The following TAF4B variants were observed in gnomAD, a reference collection of about 807,000 sequenced individuals.
The protein encoded by TAF4B is transcription initiation factor TFIID subunit 4B.
A neutral mutation model predicts 86.4 loss-of-function variants in TAF4B; 38 were observed. The ratio of observed to expected loss-of-function variants is 0.44; its 90% CI spans 0.34 to 0.58. The LOEUF (loss-of-function observed/expected upper bound fraction) is 0.58, where lower values mean the gene tolerates loss of function less well. Ranked by LOEUF, TAF4B falls within the 20% of genes least tolerant of loss-of-function variation. TAF4B has a pLI of 0.02. For synonymous variants in TAF4B, 388 were observed against 391.2 expected (o/e 0.99, Z 0.10); for missense variants, 988 against 1,027.6 (o/e 0.96, Z 0.53).
chr18:26,371,270 A>C (rs1939565240), intron 14 of TAF4B, among the ~76,000 whole-genome samples: 1 of 152,250 alleles, frequency 6.6e-6, no homozygotes, highest in African/African-American at 2.4e-5. Context: ...TAACTCAGCT[A>C]TAATAAGTAA....
intron 9 of TAF4B, among the ~76,000 whole-genome samples, chr18:26,304,542 G>T (rs1166961132): frequency 1.3e-5 from 2 of 152,144 alleles, no homozygotes; most frequent in Non-Finnish European, 2.9e-5. Flanking sequence ...AACTGAGTTT[G>T]CTTTCTTCCA....
intron 3 of TAF4B, among the ~76,000 whole-genome samples, chr18:26,268,228 C>T (rs765581627): frequency 4.6e-5 from 7 of 152,176 alleles, no homozygotes; most frequent in Non-Finnish European, 1.0e-4. Flanking sequence ...GTACATATCA[C>T]TCCTTGTCAT....
At chr18:26,282,415 AT>A (rs1568126002) in intron 6 of TAF4B, among the ~76,000 whole-genome samples, 1 of 152,260 alleles carries the variant, frequency 6.6e-6, no homozygotes, top group Non-Finnish European at 1.5e-5. Flanking sequence ...TGGTTTCCAA[AT>A]GCATATAAAA....
rs548173772 is a variant in TAF4B at position 26,249,197 on chromosome 18, G to T, written c.344-15973G>T. ...AAAAAAAAAAAAAAAAGAGGAACCTGGCTGGGTGCGGTGGCTCATGCCTGT... is the reference window on the plus strand; with the variant it reads ...AAAAAAAAAAAAAAAAGAGGAACCTTGCTGGGTGCGGTGGCTCATGCCTGT... On this transcript the variant is annotated intron_variant, in intron 1 of 14. Coordinates refer to ENST00000269142, the MANE Select transcript of TAF4B (RefSeq NM_005640.3). Among the ~76,000 whole-genome samples, 10 of 151,382 alleles carry T rather than the reference G, an allele frequency of 6.6e-5. No individual in the cohort carries two copies. The East Asian group carries it at 1.9e-3, about 29-fold the overall frequency.
chr18:26,291,722 A>G (rs2056596494), intron 7 of TAF4B, among the ~76,000 whole-genome samples: 1 of 150,892 alleles, frequency 6.6e-6, no homozygotes. Context: ...AAAAAAAAAA[A>G]GAAAATACTT....
At chr18:26,318,033 A>T (rs929298597) in intron 10 of TAF4B, among the ~76,000 whole-genome samples, 2 of 152,066 alleles carry the variant, frequency 1.3e-5, no homozygotes, top group Non-Finnish European at 2.9e-5. Flanking sequence ...CTTCTTTTTT[A>T]AAAAAATATT....
At chr18:26,265,393 C>A in intron 2 of TAF4B, 78 bp downstream of exon 2, 5 of 1,410,886 alleles carry the variant, frequency 3.5e-6, no homozygotes, top group South Asian at 1.7e-5. Context: ...TATATGTTTG[C>A]TAGTAAAAAA....
intron 14 of TAF4B, among the ~76,000 whole-genome samples, chr18:26,389,475 C>G (rs1978576187): frequency 6.6e-6 from 1 of 152,158 alleles, no homozygotes; most frequent in African/African-American, 2.4e-5. Context: ...TTGAAATCAT[C>G]ACCACAATCA....
intron 10 of TAF4B, among the ~76,000 whole-genome samples, chr18:26,317,671 T>C (rs1458806827): frequency 6.6e-6 from 1 of 152,246 alleles, no homozygotes; most frequent in Non-Finnish European, 1.5e-5. Flanking sequence ...GAGATCAGGG[T>C]GCCAGCACGG....
rs971286087 is a variant in TAF4B, at chr18:26,390,273, A to G, written c.*261A>G. ...CATCTGCCTATCTGTGCATTAAATTAAAGCAAGTTAAGGCCCTATTTGTTA... is the reference window on the plus strand; with the variant it reads ...CATCTGCCTATCTGTGCATTAAATTGAAGCAAGTTAAGGCCCTATTTGTTA... On this transcript the variant is annotated 3_prime_UTR_variant, in exon 15 of 15. Transcript: ENST00000269142. 21 of 337,790 alleles carry G rather than the reference A, an allele frequency of 6.2e-5. No homozygotes were observed. The highest frequency in any genetic ancestry group is 4.5e-4 in the African/African-American group (21 of 46,990). 20.9% of individuals were successfully genotyped at this position (337,790 alleles called of 1,614,324 possible). A position where few individuals can be genotyped will look rare whatever the true frequency, so the allele number is the denominator to read the frequency against.
intron 14 of TAF4B, among the ~76,000 whole-genome samples, chr18:26,381,446 G>T (rs959770798): frequency 7.2e-5 from 11 of 151,856 alleles, no homozygotes; most frequent in Non-Finnish European, 1.3e-4. Flanking sequence ...AAGTAATTTG[G>T]CTGGGCGCGG....
chr18:26,227,243 A>G lies in TAF4B; in HGVS notation c.310A>G (p.Ile104Val), dbSNP rs2055592004. 7 of 1,613,024 alleles carry G rather than the reference A, an allele frequency of 4.3e-6. No homozygotes were observed. Among genetic ancestry groups the G allele is most frequent in the South Asian group, 1.1e-5 (1 of 90,940 alleles). ...CGTGAAAGCCCCCAACACCACGACA[A>G]TCCAGTTTCCTGCTAATTTGCAGCT... ...VAVKAPNTTT[I>V]QFPANLQLPP... Residue 104 changes from isoleucine to valine, a missense_variant, in exon 1 of 15, where the codon ATC (isoleucine) becomes GTC (valine). Physicochemically the swap from Ile to Val is conservative, Grantham distance 29. Transcript: ENST00000269142.
Position 26,247,588 on chromosome 18 carries a change from A to T in TAF4B, c.344-17582A>T, listed in dbSNP as rs563466920. ...ATTTAAAAAATCTTCTTTTAAAAAA[A>T]ATTGACACAGGGTTGGGCATGGTGA... On this transcript the variant is annotated intron_variant, in intron 1 of 14. Coordinates refer to ENST00000269142, the MANE Select transcript of TAF4B (RefSeq NM_005640.3). 3.9e-5 allele frequency among the ~76,000 whole-genome samples: 6 copies of T among 152,288 alleles called. No individual in the cohort carries two copies. In the South Asian group the frequency reaches 1.2e-3, roughly 32 times the overall value.
intron 12 of TAF4B, among the ~76,000 whole-genome samples, chr18:26,330,000 C>T (rs528811728): frequency 2.0e-5 from 3 of 152,190 alleles, no homozygotes; most frequent in African/African-American, 7.2e-5. Flanking sequence ...GATAGAGTCT[C>T]ACTATATTGC....
intron 13 of TAF4B, among the ~76,000 whole-genome samples, chr18:26,346,801 GTATATA>G (rs368950266): frequency 5.5e-5 from 1 of 18,238 alleles, no homozygotes; most frequent in African/African-American, 1.1e-4. Flanking sequence ...ATATATATGT[GTATATA>G]TATATATATG....
At chr18:26,352,067 A>C (rs1369634753) in intron 13 of TAF4B, among the ~76,000 whole-genome samples, 1 of 152,152 alleles carries the variant, frequency 6.6e-6, no homozygotes, top group African/African-American at 2.4e-5. Context: ...AGATAAATTA[A>C]AATGTTAAAA....
intron 9 of TAF4B, among the ~76,000 whole-genome samples, chr18:26,300,826 C>T (rs779982754): frequency 2.6e-5 from 4 of 151,762 alleles, no homozygotes; most frequent in Admixed American, 6.6e-5. Context: ...CCATCACTTA[C>T]GTAGAGTGGG....
chr18:26,316,759 A>C (rs1022564561), intron 10 of TAF4B, among the ~76,000 whole-genome samples: 16 of 152,170 alleles, frequency 1.1e-4, no homozygotes, highest in Non-Finnish European at 7.3e-5. Context: ...GCTGATTGTA[A>C]AATGTGTTTG....
chr18:26,359,732 T>C (rs566408768), intron 14 of TAF4B, among the ~76,000 whole-genome samples: 4 of 152,162 alleles, frequency 2.6e-5, no homozygotes, highest in Non-Finnish European at 5.9e-5. Flanking sequence ...TATTTGTTTG[T>C]TTATGTAGAG....
Sources: allele counts gnomAD v4.1 joint callset (sites outside exome capture counted in the v4.1 genomes callset), GRCh38; gene constraint gnomAD v4.1.1; transcripts MANE v1.5; gene names NCBI Gene and HGNC (gene_info 2026-07-23, HGNC 2026-07-21).